REM1: variants seen among roughly 807,000 people sequenced by gnomAD.
REM1 encodes the protein GTP-binding protein REM 1.
In REM1, 20 loss-of-function variants were observed where a neutral mutation model predicts 27.0. The ratio of observed to expected loss-of-function variants is 0.74; its 90% CI spans 0.52 to 1.08. The LOEUF (loss-of-function observed/expected upper bound fraction) is 1.08, where lower values mean the gene tolerates loss of function less well. REM1 is among the 50% of genes least tolerant of loss of function. The probability of loss-of-function intolerance (pLI) is 0.00; values close to 1 mark genes in which losing one functional copy is unlikely to be tolerated. For synonymous variants in REM1, 159 were observed against 167.9 expected, an observed-to-expected ratio of 0.95 and a Z score of 0.41; for missense variants, 405 against 407.0, an observed-to-expected ratio of 1.00 and a Z score of 0.04.
chr20:31,483,020 C>A (rs1210913206), intron 4 of REM1, among the ~76,000 whole-genome samples: 1 of 152,106 alleles, frequency 6.6e-6, no homozygotes, highest in Non-Finnish European at 1.5e-5. Flanking sequence ...AAAATTCTGG[C>A]CAGGCCCAGT....
At chr20:31,481,119 A>C (rs926227496) in intron 3 of REM1, among the ~76,000 whole-genome samples, 3 of 152,064 alleles carry the variant, frequency 2.0e-5, no homozygotes, top group African/African-American at 7.2e-5. Flanking sequence ...CAAAAACACA[A>C]AAAATTAGCT....
Position 31,484,451 on chromosome 20 carries a change from G to C in REM1, c.*21G>C. The C allele has an allele frequency of 6.8e-7, 1 of 1,463,940 alleles. No individual in the cohort carries two copies. The highest frequency in any genetic ancestry group is 9.0e-7 in the Non-Finnish European group (1 of 1,105,886). The allele number at this position is 1,463,940 out of a possible 1,614,324, so 90.7% of individuals were successfully genotyped here. A position where few individuals can be genotyped will look rare whatever the true frequency, so the allele number is the denominator to read the frequency against. ...TCTGAAGCCCCCCGCCCTTCTGAGA[G>C]TTGGCGGGTCACTGAGGTGCATTCT... On this transcript the variant is annotated 3_prime_UTR_variant, in exon 5 of 5. Transcript: ENST00000201979.
At chr20:31,480,587 T>C (rs8120526) in intron 3 of REM1, among the ~76,000 whole-genome samples, 32,838 of 151,982 alleles carry the variant, frequency 0.22, 5,098 homozygotes, top group African/African-American at 0.44. Context: ...CCTCCCAAAG[T>C]GCTGGGATTA....
chr20:31,476,737 A>G lies in REM1; in HGVS notation c.292A>G (p.Ser98Gly). ...TGGAGTGGGGAAGACCAGCTTGGCC[A>G]GCCTCTTTGCAGGGAAGCAAGAGAG... is the stretch of plus-strand genomic sequence containing the variant. ...DPGVGKTSLA[S>G]LFAGKQERDL... is the part of the protein sequence containing the mutation. Residue 98 changes from serine (S) to glycine (G), a missense_variant, in exon 2 of 5, where the codon AGC becomes GGC. Coordinates refer to ENST00000201979, the MANE Select transcript of REM1 (RefSeq NM_014012.6). 1 of 1,613,906 alleles carries G rather than the reference A, an allele frequency of 6.2e-7. No homozygotes were observed. The highest frequency in any genetic ancestry group is 8.5e-7 in the Non-Finnish European group (1 of 1,179,924).
intron 4 of REM1, among the ~76,000 whole-genome samples, chr20:31,482,951 C>G (rs1980784881): frequency 6.6e-6 from 1 of 152,138 alleles, no homozygotes; most frequent in South Asian, 2.1e-4. Context: ...TTTGGCAACA[C>G]AGCAAGACCT....
chr20:31,480,242 C>CAG (rs1457047711), intron 3 of REM1, among the ~76,000 whole-genome samples: 69 of 53,814 alleles, frequency 1.3e-3, no homozygotes, highest in African/African-American at 3.8e-3. Context: ...CAGATACATA[C>CAG]ATACACACAT....
chr20:31,479,737 C>T (rs1980651098), intron 3 of REM1, among the ~76,000 whole-genome samples: 1 of 152,056 alleles, frequency 6.6e-6, no homozygotes, highest in African/African-American at 2.4e-5. Flanking sequence ...ATTGGATGGG[C>T]CTTAGGACCT....
At chr20:31,479,079 C>T (rs894397241) in intron 3 of REM1, among the ~76,000 whole-genome samples, 1 of 152,186 alleles carries the variant, frequency 6.6e-6, no homozygotes, top group African/African-American at 2.4e-5. Context: ...AGGTGATCCA[C>T]CCGCCTCGGC....
rs1464553830 is a variant in REM1, at chr20:31,484,305, C to G, written c.772C>G (p.Pro258Ala). 4.4e-6 allele frequency: 7 copies of G among 1,580,384 alleles called. No individual in the cohort carries two copies. The stretch of plus-strand genomic sequence containing the variant: ...CAGTGCGGCCAAGGAACCCCCAGCA[C>G]CCCGACGGCCGGCCAGCCTAGCCCA... Reference protein sequence around the residue: ...RDSAAKEPPAPRRPASLAQRA... With the variant: ...RDSAAKEPPAARRPASLAQRA... The change falls in exon 5 of 5, where the codon CCC (proline) becomes GCC (alanine). Residue 258 changes from proline (P) to alanine (A), a missense_variant. By Grantham distance (27) the Pro-to-Ala change is conservative. Transcript: ENST00000201979.
At position 31,484,228 on chromosome 20, in the gene REM1, T is replaced by C. The variant is rs766321097; in HGVS notation, c.695T>C (p.Val232Ala). The C allele has an allele frequency of 6.2e-7, 1 of 1,609,268 alleles. No homozygotes were observed. Among genetic ancestry groups the C allele is most frequent in the Non-Finnish European group, 8.5e-7 (1 of 1,178,740 alleles). ...ACATCCGCCACGCTGCAGCACAATG[T>C]GGCCGAGCTCTTCGAGGGCGTGGTG... ...IETSATLQHN[V>A]AELFEGVVRQ... The change falls in exon 5 of 5, where the codon GTG (valine) becomes GCG (alanine). Residue 232 changes from valine to alanine, a missense_variant. Transcript: ENST00000201979.
intron 4 of REM1, 61 bp from the exon 5 acceptor site, chr20:31,484,098 T>C (rs1600582118): frequency 8.1e-6 from 12 of 1,488,722 alleles, no homozygotes; most frequent in Non-Finnish European, 1.1e-5. Context: ...CATCTCTTCC[T>C]ACCTTTTTCT....
chr20:31,483,066 G>A (rs1285455359), intron 4 of REM1, among the ~76,000 whole-genome samples: 1 of 152,178 alleles, frequency 6.6e-6, no homozygotes, highest in East Asian at 1.9e-4. Context: ...TTGGAAGACT[G>A]AGGCAAGTGG....
rs1410938992 is a variant in REM1 at position 31,484,263 on chromosome 20, C to T, written c.730C>T (p.Arg244Cys). ...ELFEGVVRQL[R>C]LRRRDSAAKE... ...CTTCGAGGGCGTGGTGCGCCAACTG[C>T]GCTTGCGCCGCCGGGACAGTGCGGC... The change falls in exon 5 of 5, where the codon CGC (arginine) becomes TGC (cysteine). Residue 244 changes from arginine to cysteine, a missense_variant. Coordinates refer to ENST00000201979, the MANE Select transcript of REM1 (RefSeq NM_014012.6). 3 of 1,598,830 alleles carry T rather than the reference C, an allele frequency of 1.9e-6. No individual in the cohort carries two copies. In the South Asian group the frequency reaches 3.4e-5, roughly 18 times the overall value.
In REM1 at chr20:31,484,794, C is replaced by CTTTT; in HGVS notation, c.*364_*365insTTTT. 9.0e-6 allele frequency: 2 copies of CTTTT among 221,488 alleles called. No individual in the cohort carries two copies. The highest frequency in any genetic ancestry group is 1.6e-4 in the South Asian group (1 of 6,362). 13.7% of individuals were successfully genotyped at this position (221,488 alleles called of 1,614,324 possible). On this transcript the variant is annotated 3_prime_UTR_variant, in exon 5 of 5. Transcript: ENST00000201979. ...CCAGACCTCTCCATCTCGGCTCTTC[C>CTTTT]AGGCGTCTCCACCTACTGCCCTCCC...
chr20:31,482,148 A>G (rs1980752413), intron 3 of REM1, 139 bp from the exon 4 acceptor site: 6 of 668,510 alleles, frequency 9.0e-6, no homozygotes, highest in South Asian at 1.9e-5. Flanking sequence ...ACAGGGAATT[A>G]TAGCAGAAGT....
chr20:31,476,472 A>G lies in REM1; in HGVS notation c.27A>G (p.Ala9=). ...TGACACTCAACACCGAGCAGGAAGC[A>G]AAGACCCCTCTGCACCGGCGAGCCA... MTLNTEQE[A]KTPLHRRAST... Residue 9 remains alanine, a synonymous_variant, in exon 2 of 5, where the codon GCA becomes GCG. Transcript: ENST00000201979. The G allele has an allele frequency of 6.2e-7, 1 of 1,601,960 alleles. No homozygotes were observed. The highest frequency in any genetic ancestry group is 8.5e-7 in the Non-Finnish European group (1 of 1,174,044).
Position 31,484,808 on chromosome 20 carries a change from T to G in REM1, c.*378T>G. ...CTCGGCTCTTCCAGGCGTCTCCACC[T>G]ACTGCCCTCCCATCTACACTTGACT... On this transcript the variant is annotated 3_prime_UTR_variant, in exon 5 of 5. Transcript: ENST00000201979. The G allele has an allele frequency of 1.0e-3, 200 of 199,302 alleles. No individual in the cohort carries two copies. Among genetic ancestry groups the G allele is most frequent in the South Asian group, 6.6e-3 (38 of 5,762 alleles). 12.3% of individuals were successfully genotyped at this position (199,302 alleles called of 1,614,324 possible). A position where few individuals can be genotyped will look rare whatever the true frequency, so the allele number is the denominator to read the frequency against.
intron 3 of REM1, among the ~76,000 whole-genome samples, chr20:31,481,642 C>A (rs1980739241): frequency 6.6e-6 from 1 of 152,204 alleles, no homozygotes; most frequent in Non-Finnish European, 1.5e-5. Context: ...GTAGTCCAGT[C>A]TTGGAGGGCT....
At chr20:31,478,834 C>CTT (rs1243905937) in intron 3 of REM1, among the ~76,000 whole-genome samples, 4 of 135,294 alleles carry the variant, frequency 3.0e-5, no homozygotes, top group Admixed American at 7.4e-5. Flanking sequence ...AGATCTTATT[C>CTT]TTTTTTTTTT....
Sources: allele counts gnomAD v4.1 joint callset (sites outside exome capture counted in the v4.1 genomes callset), GRCh38; gene constraint gnomAD v4.1.1; transcripts MANE v1.5; gene names NCBI Gene and HGNC (gene_info 2026-07-23, HGNC 2026-07-21).